The following ZNF333 variants were observed in gnomAD, a reference collection of about 807,000 sequenced individuals.
ZNF333 encodes the protein zinc finger protein 333.
In ZNF333, 61 loss-of-function variants were observed where a neutral mutation model predicts 76.1. That is an observed-to-expected ratio of 0.80 (90% CI 0.65 to 0.99). ZNF333 has a LOEUF of 0.99. Ranked by LOEUF, ZNF333 falls within the 50% of genes least tolerant of loss-of-function variation. ZNF333 has a pLI of 0.00. For synonymous variants in ZNF333, 284 were observed against 305.0 expected (o/e 0.93, Z 0.72); for missense variants, 717 against 822.4 (o/e 0.87, Z 1.57).
rs761401680 is a variant in ZNF333, at chr19:14,716,135, G to A, written c.624G>A (p.Val208=). 1 of 1,614,176 alleles carries A rather than the reference G, an allele frequency of 6.2e-7. No homozygotes were observed. The highest frequency in any genetic ancestry group is 8.5e-7 in the Non-Finnish European group (1 of 1,180,026). The change falls in exon 9 of 12, where the codon GTG becomes GTA. Residue 208 remains valine, a synonymous_variant. Transcript: ENST00000292530. ...AGGAACCAGTCACCTTTGCAGATGTGGCTGTGGTGTTCACCCCAGAAGAAT... is the reference window on the plus strand; with the variant it reads ...AGGAACCAGTCACCTTTGCAGATGTAGCTGTGGTGTTCACCCCAGAAGAAT... ...CSQEPVTFAD[V]AVVFTPEEWV... is the part of the protein sequence containing the mutation.
At chr19:14,705,214 A>T in intron 6 of ZNF333, 44 bp downstream of exon 6, 2 of 1,543,766 alleles carry the variant, frequency 1.3e-6, no homozygotes, top group Non-Finnish European at 1.8e-6. Flanking sequence ...AGGTGCAGTC[A>T]GGAAGGCCTG....
downstream of ZNF333, among the ~76,000 whole-genome samples, chr19:14,725,244 A>G (rs1256941948): frequency 2.6e-5 from 4 of 152,192 alleles, no homozygotes; most frequent in East Asian, 7.7e-4. Context: ...TGGGGATGAC[A>G]CTAAGCCATT....
At chr19:14,705,602 G>T (rs1424227961) in intron 6 of ZNF333, among the ~76,000 whole-genome samples, 4 of 152,182 alleles carry the variant, frequency 2.6e-5, no homozygotes, top group African/African-American at 9.7e-5. Flanking sequence ...GAGAGAATGG[G>T]AGAGAGATGC....
chr19:14,717,144 A>C, intron 10 of ZNF333, 55 bp downstream of exon 10: 2 of 1,494,372 alleles, frequency 1.3e-6, no homozygotes, highest in Admixed American at 4.0e-5. Context: ...GGGAGTGTCC[A>C]GTTTGGAAAC....
intron 8 of ZNF333, 67 bp from the exon 9 acceptor site, chr19:14,716,045 C>G: frequency 6.2e-7 from 1 of 1,600,350 alleles, no homozygotes. Context: ...GCTTGCCAGC[C>G]TCCAGCATCC....
At chr19:14,699,367 A>G in intron 5 of ZNF333, 86 bp downstream of exon 5, 1 of 1,160,052 alleles carries the variant, frequency 8.6e-7, no homozygotes, top group Non-Finnish European at 1.3e-6. Context: ...AGAGCCAGGG[A>G]GATGTTAGCA....
intron 9 of ZNF333, 122 bp downstream of exon 9, chr19:14,716,360 G>A: frequency 7.7e-6 from 9 of 1,170,300 alleles, no homozygotes; most frequent in Non-Finnish European, 1.1e-5. Flanking sequence ...CTGGGCTCAG[G>A]TGATCCTCCC....
Position 14,716,232 on chromosome 19 carries a change from T to C in ZNF333, c.721T>C (p.Ser241Pro), listed in dbSNP as rs747706929. 1 of 1,608,474 alleles carries C rather than the reference T, an allele frequency of 6.2e-7. No individual in the cohort carries two copies. Among genetic ancestry groups the C allele is most frequent in the South Asian group, 1.1e-5 (1 of 90,274 alleles). Residue 241 changes from serine (S) to proline (P), a missense_variant, in exon 9 of 12, where the codon TCT (serine) becomes CCT (proline). Physicochemically the swap from Ser to Pro is moderately conservative, Grantham distance 74. Transcript: ENST00000292530. Reference protein sequence around the residue: ...VMLENYRNLASVADQLCKPNA... With the variant: ...VMLENYRNLAPVADQLCKPNA... Reference sequence around the variant, plus strand: ...GCTGGAGAACTACAGGAACCTGGCCTCTGTGGGTAAGGCAGCTTCATCTTT... The same window carrying C: ...GCTGGAGAACTACAGGAACCTGGCCCCTGTGGGTAAGGCAGCTTCATCTTT...
chr19:14,717,434 T>G, intron 10 of ZNF333: 1 of 564,824 alleles, frequency 1.8e-6, no homozygotes, highest in Non-Finnish European at 3.1e-6. Context: ...ACCTACTATT[T>G]CCTTCCCATG....
upstream of ZNF333, chr19:14,689,914 C>T (rs979078866): frequency 3.9e-5 from 6 of 152,428 alleles, no homozygotes; most frequent in Non-Finnish European, 2.9e-5. Context: ...CTAACCTCAT[C>T]CCCCGGGTAA....
downstream of ZNF333, among the ~76,000 whole-genome samples, chr19:14,725,831 G>C (rs1209617615): frequency 6.6e-6 from 1 of 152,200 alleles, no homozygotes; most frequent in African/African-American, 2.4e-5. Flanking sequence ...TTGGAGTTGA[G>C]TGCCTGCAGG....
At chr19:14,691,540 T>G in intron 1 of ZNF333, among the ~76,000 whole-genome samples, 1 of 152,236 alleles carries the variant, frequency 6.6e-6, no homozygotes, top group South Asian at 2.1e-4. Context: ...CCACAAAGAA[T>G]ATATGCGCTT....
At chr19:14,693,570 C>T in intron 2 of ZNF333, 76 bp downstream of exon 2, 1 of 1,500,728 alleles carries the variant, frequency 6.7e-7, no homozygotes, top group Non-Finnish European at 9.1e-7. Flanking sequence ...CCTGTCTTCT[C>T]TCTCGCCACT....
intron 7 of ZNF333, chr19:14,708,163 A>G (rs571805595): frequency 2.5e-4 from 97 of 389,616 alleles, no homozygotes; most frequent in Middle Eastern, 1.9e-3. Flanking sequence ...GTGCGCTACC[A>G]TGCCCGGCTA....
intron 7 of ZNF333, among the ~76,000 whole-genome samples, chr19:14,713,429 G>A (rs2042334961): frequency 6.6e-6 from 1 of 151,234 alleles, no homozygotes; most frequent in South Asian, 2.1e-4. Flanking sequence ...TTGGATACAT[G>A]GTCTGGTGTT....
rs1397120380 is a variant in ZNF333 at position 14,721,250 on chromosome 19, C to T, written c.*1925C>T. ...CCTGACTCTCTCTACAGTGGCAGAC[C>T]CAGGGGACTAGTCTCCATTTTTACT... On this transcript the variant is annotated 3_prime_UTR_variant, in exon 12 of 12. Transcript: ENST00000292530. 6.7e-6 allele frequency: 1 copy of T among 149,862 alleles called. No homozygotes were observed. Among genetic ancestry groups the T allele is most frequent in the African/African-American group, 2.5e-5 (1 of 40,698 alleles). The allele number at this position is 149,862 out of a possible 1,614,324, so 9.3% of individuals were successfully genotyped here. A position where few individuals can be genotyped will look rare whatever the true frequency, so the allele number is the denominator to read the frequency against.
chr19:14,727,024 CTTTTTTTTTTTTT>C (rs33936016), intron 11 of ZNF333, among the ~76,000 whole-genome samples: 1 of 70,098 alleles, frequency 1.4e-5, no homozygotes, highest in Non-Finnish European at 2.5e-5. Flanking sequence ...AGAAAAGAGG[CTTTTTTTTTTTTT>C]TTTTTTTTTT....
At chr19:14,706,544 C>T in intron 6 of ZNF333, 142 bp from the exon 7 acceptor site, 1 of 722,534 alleles carries the variant, frequency 1.4e-6, no homozygotes, top group East Asian at 2.6e-5. Flanking sequence ...TAAATCCTGA[C>T]AAGGTAAATG....
At position 14,690,315 on chromosome 19, in the gene ZNF333, G is replaced by A. The variant is rs2146938034; in HGVS notation, c.-42+165G>A. 2.0e-5 allele frequency among the ~76,000 whole-genome samples: 3 copies of A among 152,314 alleles called. No homozygotes were observed. The South Asian group carries it at 6.2e-4, about 32-fold the overall frequency. ...CACAGTCAGGGCCTCGCATCTGGGC[G>A]CCCGCCGCCCGGTCTCTCGCTCTCA... is the stretch of plus-strand genomic sequence containing the variant. On this transcript the variant is annotated intron_variant, in intron 1 of 11. Transcript: ENST00000292530.
Sources: gnomAD v4.1 joint callset for allele counts (sites outside exome capture counted in the v4.1 genomes callset) on GRCh38, gnomAD v4.1.1 for gene constraint, MANE v1.5 for transcripts, NCBI Gene and HGNC (gene_info 2026-07-23, HGNC 2026-07-21) for gene names.